SETBP1: variants seen among roughly 807,000 people sequenced by gnomAD.
The protein encoded by SETBP1 is SET-binding protein.
SETBP1 carries 9 observed loss-of-function variants against 101.0 expected under a neutral mutation model. That is an observed-to-expected ratio of 0.09 (90% CI 0.05 to 0.16). The LOEUF is 0.16. Among genes scored for constraint, SETBP1 ranks in the 10% least tolerant of loss-of-function variants. The pLI, the probability that SETBP1 is intolerant of heterozygous loss-of-function variation, is 1.00. For synonymous variants in SETBP1, 818 were observed against 788.5 expected (o/e 1.04, Z -0.63); for missense variants, 1,858 against 2,033.8 (o/e 0.91, Z 1.66).
rs532663738 is a variant in SETBP1 at position 44,863,411 on chromosome 18, T to C, written c.487-5819T>C. Among the ~76,000 whole-genome samples, 23 of 152,330 alleles carry C rather than the reference T, an allele frequency of 1.5e-4. No homozygotes were observed. In the South Asian group the frequency reaches 4.8e-3, roughly 32 times the overall value. Reference sequence around the variant, plus strand: ...TTTACAATGGAGAGTGTGGGGCTAGTTCATCTCAAGCAGCCCCCTGCACAC... The same window carrying C: ...TTTACAATGGAGAGTGTGGGGCTAGCTCATCTCAAGCAGCCCCCTGCACAC... On this transcript the variant is annotated intron_variant, in intron 2 of 5. Transcript: ENST00000649279.
At chr18:44,694,200 A>C (rs1305418841) in intron 1 of SETBP1, among the ~76,000 whole-genome samples, 1 of 152,110 alleles carries the variant, frequency 6.6e-6, no homozygotes, top group Non-Finnish European at 1.5e-5. Flanking sequence ...TGACTTGTAA[A>C]GTTTGCTCGT....
intron 2 of SETBP1, 90 bp from the exon 3 acceptor site, chr18:44,869,140 T>A: frequency 8.8e-7 from 1 of 1,134,142 alleles, no homozygotes; most frequent in Non-Finnish European, 1.3e-6. Flanking sequence ...TCATCCAGGC[T>A]ATGGTAAGTC....
intron 2 of SETBP1, among the ~76,000 whole-genome samples, chr18:44,721,536 C>T (rs2069595858): frequency 6.7e-6 from 1 of 149,844 alleles, no homozygotes; most frequent in African/African-American, 2.5e-5. Context: ...CTACTGGGTT[C>T]TCCAGCTCAG....
chr18:44,792,356 G>A (rs757318696), intron 2 of SETBP1, among the ~76,000 whole-genome samples: 2 of 152,128 alleles, frequency 1.3e-5, no homozygotes, highest in Non-Finnish European at 2.9e-5. Flanking sequence ...AGGTCCCATC[G>A]AATTCCCCCT....
intron 3 of SETBP1, among the ~76,000 whole-genome samples, chr18:44,927,405 C>T (rs933351188): frequency 2.6e-5 from 4 of 152,146 alleles, no homozygotes; most frequent in Admixed American, 1.3e-4. Context: ...CATGTCAGCA[C>T]CCTCACCCCA....
chr18:44,816,356 G>A (rs2071976212), intron 2 of SETBP1, among the ~76,000 whole-genome samples: 1 of 152,186 alleles, frequency 6.6e-6, no homozygotes, highest in Non-Finnish European at 1.5e-5. Flanking sequence ...GGCCAGGCTA[G>A]AGGGGCAGTT....
At chr18:44,839,610 A>T (rs9956543) in intron 2 of SETBP1, among the ~76,000 whole-genome samples, 8,131 of 152,306 alleles carry the variant, frequency 0.053, 708 homozygotes, top group African/African-American at 0.18. Context: ...ACCAAGGTTG[A>T]GGTAAATGTG....
chr18:44,862,901 G>A (rs1231929243), intron 2 of SETBP1, among the ~76,000 whole-genome samples: 1 of 152,182 alleles, frequency 6.6e-6, no homozygotes, highest in Non-Finnish European at 1.5e-5. Flanking sequence ...CATTTCATAG[G>A]TGGTAAAATG....
intron 5 of SETBP1, among the ~76,000 whole-genome samples, chr18:45,055,351 CT>C (rs2073791232): frequency 6.6e-6 from 1 of 152,076 alleles, no homozygotes; most frequent in African/African-American, 2.4e-5. Context: ...TATGTGCCCT[CT>C]TTTTCTTAAA....
intron 2 of SETBP1, among the ~76,000 whole-genome samples, chr18:44,715,568 C>T (rs1370019628): frequency 6.6e-6 from 1 of 151,960 alleles, no homozygotes; most frequent in Non-Finnish European, 1.5e-5. Context: ...ACAAGTCCAT[C>T]TGTGTTTGCT....
intron 2 of SETBP1, among the ~76,000 whole-genome samples, chr18:44,823,323 T>G (rs1180116933): frequency 1.3e-5 from 2 of 152,204 alleles, no homozygotes; most frequent in African/African-American, 4.8e-5. Context: ...CAGGTGATAC[T>G]AGTGAAAAAG....
chr18:44,897,291 A>G (rs1431548416), intron 3 of SETBP1, among the ~76,000 whole-genome samples: 1 of 152,146 alleles, frequency 6.6e-6, no homozygotes, highest in East Asian at 1.9e-4. Flanking sequence ...GCTTCGGGGC[A>G]TCCCTATGTT....
intron 2 of SETBP1, among the ~76,000 whole-genome samples, chr18:44,799,439 G>C (rs567089635): frequency 2.0e-5 from 3 of 152,076 alleles, no homozygotes; most frequent in Non-Finnish European, 2.9e-5. Flanking sequence ...GCAGGCATGC[G>C]TAGAAACACA....
At chr18:45,026,003 A>G (rs1467754703) in intron 4 of SETBP1, among the ~76,000 whole-genome samples, 1 of 152,356 alleles carries the variant, frequency 6.6e-6, no homozygotes, top group Admixed American at 6.5e-5. Context: ...ATCAAAATGC[A>G]AATAAGGTGA....
At chr18:44,752,263 T>C (rs996510117) in intron 2 of SETBP1, among the ~76,000 whole-genome samples, 1 of 152,232 alleles carries the variant, frequency 6.6e-6, no homozygotes, top group Non-Finnish European at 1.5e-5. Flanking sequence ...CTCCAGTGGT[T>C]CTTGAATGAT....
intron 5 of SETBP1, among the ~76,000 whole-genome samples, chr18:45,044,143 A>G (rs2073564109): frequency 6.6e-6 from 1 of 152,238 alleles, no homozygotes; most frequent in African/African-American, 2.4e-5. Flanking sequence ...TAGAAGAAAT[A>G]AAGGTGCAAT....
chr18:44,811,563 C>T (rs150756253), intron 2 of SETBP1, among the ~76,000 whole-genome samples: 6 of 152,308 alleles, frequency 3.9e-5, no homozygotes, highest in East Asian at 3.9e-4. Context: ...CCTGTACCTG[C>T]GTGGGTATGA....
Position 44,950,406 on chromosome 18 carries a change from A to C in SETBP1, c.1066A>C (p.Lys356Gln), listed in dbSNP as rs1245994966. 3.7e-6 allele frequency: 6 copies of C among 1,614,058 alleles called. No individual in the cohort carries two copies. The highest frequency in any genetic ancestry group is 5.1e-6 in the Non-Finnish European group (6 of 1,180,048). Residue 356 changes from lysine (K) to glutamine (Q), a missense_variant, in exon 4 of 6, where the codon AAG (lysine) becomes CAG (glutamine). By Grantham distance (53) the Lys-to-Gln change is moderately conservative. Transcript: ENST00000649279. Reference protein sequence around the residue: ...TIPNPDLDWVKNAQKAFDNTE... With the variant: ...TIPNPDLDWVQNAQKAFDNTE... ...ACCAAACCCAGACCTGGATTGGGTC[A>C]AGAATGCCCAGAAAGCATTTGACAA...
chr18:44,725,772 G>A (rs1325504859), intron 2 of SETBP1, among the ~76,000 whole-genome samples: 1 of 152,044 alleles, frequency 6.6e-6, no homozygotes, highest in Non-Finnish European at 1.5e-5. Context: ...CCTCTTCCAG[G>A]AAGTGATGAC....
Sources: gnomAD v4.1 joint callset for allele counts (sites outside exome capture counted in the v4.1 genomes callset) on GRCh38, gnomAD v4.1.1 for gene constraint, MANE v1.5 for transcripts, NCBI Gene and HGNC (gene_info 2026-07-23, HGNC 2026-07-21) for gene names.